UPF2: variants seen among roughly 807,000 people sequenced by gnomAD.
UPF2 encodes the protein UPF2 regulator of nonsense mediated mRNA decay.
A neutral mutation model predicts 141.4 loss-of-function variants in UPF2; 17 were observed. The observed-to-expected ratio is 0.12, with a 90% CI of 0.08 to 0.18. The LOEUF is 0.18. Among genes scored for constraint, UPF2 ranks in the 10% least tolerant of loss-of-function variants. UPF2 has a pLI of 1.00. For synonymous variants in UPF2, 540 were observed against 498.0 expected (o/e 1.08, Z -1.12); for missense variants, 1,152 against 1,515.9 (o/e 0.76, Z 3.99).
intron 2 of UPF2, among the ~76,000 whole-genome samples, chr10:12,032,979 G>A (rs112856656): frequency 0.02 from 2,987 of 152,038 alleles, 76 homozygotes; most frequent in Admixed American, 0.065. Context: ...CTCCAGCCTG[G>A]GTAACAACAG....
At chr10:11,967,309 A>T in intron 10 of UPF2, 32 bp downstream of exon 10, 1 of 1,266,848 alleles carries the variant, frequency 7.9e-7, no homozygotes, top group Non-Finnish European at 1.1e-6. Context: ...TAAACTTTTC[A>T]ATTAAAAACA....
In UPF2 at chr10:12,019,799, C is replaced by G. The variant is rs568499541; in HGVS notation, c.1146-5615G>C. On this transcript the variant is annotated intron_variant, in intron 3 of 21. Transcript: ENST00000357604. This position sits in a 1 kb window ranked among gnomAD's most constrained non-coding sequence, Gnocchi z 4.5. ...AGTGTAGTGGTGCAATCTGAGCTCA[C>G]TGCAACCTCCGCCTCCTAGGTTCAA... 8.5e-5 allele frequency among the ~76,000 whole-genome samples: 13 copies of G among 152,222 alleles called. No homozygotes were observed. The highest frequency in any genetic ancestry group is 3.1e-4 in the African/African-American group (13 of 41,534).
rs558322427 is a variant in UPF2 at position 11,935,925 on chromosome 10, G to A, written c.3546+620C>T. Among the ~76,000 whole-genome samples the A allele has an allele frequency of 9.9e-5, 15 of 152,272 alleles. No homozygotes were observed. Among genetic ancestry groups the A allele is most frequent in the African/African-American group, 2.4e-4 (10 of 41,546 alleles). ...AAGAATGGAGAGGGATATGGAGAAG[G>A]GTTGGTGTGATTTTCAACTGACGGC... On this transcript the variant is annotated intron_variant, in intron 19 of 21. Transcript: ENST00000357604. The surrounding 1 kb of genome is among the most constrained non-coding windows in gnomAD (Gnocchi z 4.9).
chr10:12,034,528 G>C (rs1834586811), intron 2 of UPF2, among the ~76,000 whole-genome samples: 1 of 145,948 alleles, frequency 6.9e-6, no homozygotes, highest in Non-Finnish European at 1.5e-5. Flanking sequence ...TAAACAGCCA[G>C]GTGCGGTGGC....
At chr10:11,949,281 C>T (rs757096864) in intron 15 of UPF2, among the ~76,000 whole-genome samples, 1 of 152,220 alleles carries the variant, frequency 6.6e-6, no homozygotes, top group Non-Finnish European at 1.5e-5. Flanking sequence ...TTGCCTTAGA[C>T]GTCTCCTGTC....
Position 11,938,924 on chromosome 10 carries a change from G to A in UPF2, c.3379-2212C>T, listed in dbSNP as rs959236447. The stretch of plus-strand genomic sequence containing the variant: ...TCTGTCCCCCCCATGCAGAGAGACT[G>A]TGCAGTGGCACAGTCTCAGCTCACT... On this transcript the variant is annotated intron_variant, in intron 18 of 21. Coordinates refer to ENST00000357604, the MANE Select transcript of UPF2 (RefSeq NM_015542.4). 1.8e-4 allele frequency among the ~76,000 whole-genome samples: 22 copies of A among 124,212 alleles called. No homozygotes were observed. In the Admixed American group the frequency reaches 1.8e-3, roughly 10 times the overall value. The allele number at this position is 124,212 out of a possible 152,430, so 81.5% of individuals were successfully genotyped here.
Position 12,019,630 on chromosome 10 carries a change from A to T in UPF2, c.1146-5446T>A, listed in dbSNP as rs1456936143. On this transcript the variant is annotated intron_variant, in intron 3 of 21. Coordinates refer to ENST00000357604, the MANE Select transcript of UPF2 (RefSeq NM_015542.4). The surrounding 1 kb of genome is among the most constrained non-coding windows in gnomAD (Gnocchi z 4.5). ...AACTCTTATGCTTTGTTATAAAAAT[A>T]AAAAAAAATTGCCTTCCTTTCGGCA... Among the ~76,000 whole-genome samples, 8 of 151,942 alleles carry T rather than the reference A, an allele frequency of 5.3e-5. No individual in the cohort carries two copies. The highest frequency in any genetic ancestry group is 1.9e-4 in the East Asian group (1 of 5,196).
chr10:11,978,312 T>G (rs887899253), intron 9 of UPF2, among the ~76,000 whole-genome samples: 1 of 152,222 alleles, frequency 6.6e-6, no homozygotes, highest in African/African-American at 2.4e-5. Context: ...ACTTTTCCAT[T>G]GGCTAACTAC....
chr10:11,970,142 C>T (rs1048730740), intron 9 of UPF2, among the ~76,000 whole-genome samples: 2 of 152,156 alleles, frequency 1.3e-5, no homozygotes, highest in South Asian at 2.1e-4. Flanking sequence ...GCCTGTCTGC[C>T]CACTTGGTAA....
rs1022865420 is a variant in UPF2, at chr10:11,920,444, A to G, written c.*854T>C. 1 of 152,572 alleles carries G rather than the reference A, an allele frequency of 6.6e-6. No homozygotes were observed. The highest frequency in any genetic ancestry group is 1.5e-5 in the Non-Finnish European group (1 of 68,306). 9.5% of individuals were successfully genotyped at this position (152,572 alleles called of 1,614,324 possible). Reference sequence around the variant, plus strand: ...GCTGTAAACCCATGAAGGTCAACAAAATATTCTCATCCACTTCTTGTTGTC... The same window carrying G: ...GCTGTAAACCCATGAAGGTCAACAAGATATTCTCATCCACTTCTTGTTGTC... On this transcript the variant is annotated 3_prime_UTR_variant, in exon 22 of 22. Transcript: ENST00000357604.
intron 8 of UPF2, among the ~76,000 whole-genome samples, chr10:11,993,095 A>G (rs1048811271): frequency 2.7e-5 from 4 of 145,924 alleles, no homozygotes; most frequent in Non-Finnish European, 6.0e-5. Context: ...GGTTGCAGTG[A>G]GCAGAGATCA....
Position 11,997,661 on chromosome 10 carries a change from A to G in UPF2, c.1844+11T>C, listed in dbSNP as rs998505338. On this transcript the variant is annotated intron_variant, in intron 8 of 21. Transcript: ENST00000357604. ...AAAAACACTAATAAATTTCTCTTTCATAACACTTACCTTTGTCTAGGAACT... is the reference window on the plus strand; with the variant it reads ...AAAAACACTAATAAATTTCTCTTTCGTAACACTTACCTTTGTCTAGGAACT... 3.7e-6 allele frequency: 6 copies of G among 1,612,698 alleles called. No individual in the cohort carries two copies. In the South Asian group the frequency reaches 4.4e-5, roughly 12 times the overall value.
chr10:11,990,812 C>A (rs1323288978), intron 8 of UPF2, among the ~76,000 whole-genome samples: 1 of 151,344 alleles, frequency 6.6e-6, no homozygotes, highest in Non-Finnish European at 1.5e-5. Context: ...CATGGTGAAA[C>A]CCTGTCTCTA....
In UPF2 at chr10:11,952,118, T is replaced by C. The variant is rs1237227957; in HGVS notation, c.2982A>G (p.Glu994=). 6.2e-7 allele frequency: 1 copy of C among 1,614,018 alleles called. No homozygotes were observed. The highest frequency in any genetic ancestry group is 2.2e-5 in the East Asian group (1 of 44,868). The change falls in exon 15 of 22, where the codon GAA becomes GAG. Residue 994 remains glutamate, a synonymous_variant. Transcript: ENST00000357604. ...AGTCTTGTACCTGCCTGATGGATTC[T>C]TCCAGAGAATTACAGAGTTTGATCT... ...RPKIKLCNSL[E]ESIRQVQDLE... is the part of the protein sequence containing the mutation.
chr10:12,002,087 A>T (rs1333027099), intron 5 of UPF2, among the ~76,000 whole-genome samples: 1 of 152,154 alleles, frequency 6.6e-6, no homozygotes, highest in Non-Finnish European at 1.5e-5. Flanking sequence ...CCTGACCAAC[A>T]TGGTGAAACC....
In UPF2 at chr10:11,936,527, G is replaced by T. The variant is rs563821991; in HGVS notation, c.3546+18C>A. ...TAACTCACAATCAGCTATAATTACA[G>T]GGCGGGCAGTTTCTTACCTGCTGTT... On this transcript the variant is annotated intron_variant, in intron 19 of 21. Coordinates refer to ENST00000357604, the MANE Select transcript of UPF2 (RefSeq NM_015542.4). This position sits in a 1 kb window ranked among gnomAD's most constrained non-coding sequence, Gnocchi z 6.6. 47 of 1,582,772 alleles carry T rather than the reference G, an allele frequency of 3.0e-5. No individual in the cohort carries two copies. The South Asian group carries it at 5.3e-4, about 18-fold the overall frequency.
intron 18 of UPF2, among the ~76,000 whole-genome samples, chr10:11,937,430 T>G (rs1317181479): frequency 6.6e-6 from 1 of 152,222 alleles, no homozygotes; most frequent in Non-Finnish European, 1.5e-5. Context: ...AGTGACTACC[T>G]GTACCTGGCT....
Position 12,042,302 on chromosome 10 carries a change from G to A in UPF2, c.-19+453C>T, listed in dbSNP as rs1438609186. ...TCTCGCCCCACACTCCCTCGCCACA[G>A]AAGCCTTCCCGGCCGGTCTCCCCAC... On this transcript the variant is annotated intron_variant, in intron 1 of 21. Transcript: ENST00000357604. The surrounding 1 kb of genome is among the most constrained non-coding windows in gnomAD (Gnocchi z 5.5). Among the ~76,000 whole-genome samples the A allele has an allele frequency of 1.3e-5, 2 of 151,726 alleles. No individual in the cohort carries two copies.
intron 3 of UPF2, among the ~76,000 whole-genome samples, chr10:12,026,337 T>G (rs1452500582): frequency 6.6e-6 from 1 of 152,128 alleles, no homozygotes; most frequent in Admixed American, 6.6e-5. Flanking sequence ...CTATAAAAAC[T>G]AAGGCAATTT....
Sources: allele counts gnomAD v4.1 joint callset (sites outside exome capture counted in the v4.1 genomes callset), GRCh38; gene constraint gnomAD v4.1.1; non-coding constraint Gnocchi (gnomAD v3.1); transcripts MANE v1.5; gene names NCBI Gene and HGNC (gene_info 2026-07-23, HGNC 2026-07-21).